Variants in LCP2 observed in about 807,000 individuals in gnomAD.
LCP2 encodes 76 kDa tyrosine phosphoprotein.
Under a neutral mutation model 74.5 loss-of-function variants are expected in LCP2, and 29 were observed. The observed-to-expected ratio is 0.39, with a 90% CI of 0.29 to 0.53. LCP2 has a LOEUF of 0.53. LCP2 is among the 20% of genes least tolerant of loss of function. The pLI, the probability that LCP2 is intolerant of heterozygous loss-of-function variation, is 0.72. For synonymous variants in LCP2, 228 were observed against 229.5 expected (o/e 0.99, Z 0.06); for missense variants, 604 against 634.6 (o/e 0.95, Z 0.52).
chr5:170,295,211 T>C (rs1762353018), intron 1 of LCP2, among the ~76,000 whole-genome samples: 1 of 152,154 alleles, frequency 6.6e-6, no homozygotes, highest in Non-Finnish European at 1.5e-5. Flanking sequence ...TGAACAAATA[T>C]GTAACATGGT....
At chr5:170,265,483 CTT>C (rs1373406359) in intron 10 of LCP2, among the ~76,000 whole-genome samples, 8 of 152,222 alleles carry the variant, frequency 5.3e-5, no homozygotes, top group African/African-American at 1.7e-4. Flanking sequence ...AAAAGAATAA[CTT>C]TTGTGTCAGG....
At chr5:170,282,912 T>A (rs1762128296) in intron 3 of LCP2, among the ~76,000 whole-genome samples, 1 of 152,214 alleles carries the variant, frequency 6.6e-6, no homozygotes, top group Admixed American at 6.5e-5. Flanking sequence ...GCACTTAAAA[T>A]TGGTGAGCTT....
In LCP2 at chr5:170,262,659, G is replaced by A; in HGVS notation, c.902C>T (p.Pro301Leu). 6.2e-7 allele frequency: 1 copy of A among 1,613,734 alleles called. No homozygotes were observed. Among genetic ancestry groups the A allele is most frequent in the Non-Finnish European group, 8.5e-7 (1 of 1,179,716 alleles). The change falls in exon 13 of 21, where the codon CCA becomes CTA. Residue 301 changes from proline (P) to leucine (L), a missense_variant. Physicochemically the swap from Pro to Leu is moderately conservative, Grantham distance 98. Coordinates refer to ENST00000046794, the MANE Select transcript of LCP2 (RefSeq NM_005565.5). ...CTTTGGCACAGGTGGCTTCTTCCCT[G>A]GCAGGGGGCTGCTCCTTTCATGTCT... ...TERHERSSPL[P>L]GKKPPVPKHG...
At chr5:170,267,197 G>T in intron 8 of LCP2, 122 bp from the exon 9 acceptor site, 1 of 991,124 alleles carries the variant, frequency 1.0e-6, no homozygotes. Flanking sequence ...AAACATCCAT[G>T]TCCATTTCTT....
chr5:170,263,384 T>C (rs1404900843), intron 10 of LCP2, among the ~76,000 whole-genome samples: 1 of 152,254 alleles, frequency 6.6e-6, no homozygotes, highest in Non-Finnish European at 1.5e-5. Context: ...TATTTTTATA[T>C]CTGAAATAAA....
intron 3 of LCP2, among the ~76,000 whole-genome samples, chr5:170,277,074 T>TAAAAAA (rs750930541): frequency 1.1e-5 from 1 of 91,142 alleles, no homozygotes; most frequent in Admixed American, 1.3e-4. Context: ...GACTCCATCT[T>TAAAAAA]AAAAAAAAAA....
rs186425959 is a variant in LCP2, at chr5:170,271,832, G to A, written c.325-915C>T. On this transcript the variant is annotated intron_variant, in intron 6 of 20. Transcript: ENST00000046794. The stretch of plus-strand genomic sequence containing the variant: ...CAATGGGAAGTGGCCACTTTTTGAG[G>A]AAAGAAATGTTCCAGTGTCCTAGAA... Among the ~76,000 whole-genome samples the A allele has an allele frequency of 2.0e-3, 299 of 152,274 alleles. 3 individuals carry two copies. The highest frequency in any genetic ancestry group is 2.7e-3 in the Non-Finnish European group (182 of 68,024).
intron 6 of LCP2, among the ~76,000 whole-genome samples, chr5:170,271,732 T>C (rs564065300): frequency 6.6e-6 from 1 of 152,054 alleles, no homozygotes; most frequent in African/African-American, 2.4e-5. Flanking sequence ...TGAGCGCTCA[T>C]CATGGTCATG....
chr5:170,281,201 G>A (rs887575053), intron 3 of LCP2, among the ~76,000 whole-genome samples: 2 of 152,138 alleles, frequency 1.3e-5, no homozygotes, highest in African/African-American at 4.8e-5. Context: ...TGGGTCCCTG[G>A]ACGGCAATTA....
chr5:170,296,909 G>A (rs1762398346), intron 1 of LCP2, among the ~76,000 whole-genome samples: 1 of 152,178 alleles, frequency 6.6e-6, no homozygotes, highest in Admixed American at 6.5e-5. Flanking sequence ...GACTGCCCCA[G>A]GCGGGAGCTT....
chr5:170,266,937 G>A, intron 9 of LCP2, 46 bp from the exon 10 acceptor site: 1 of 1,609,764 alleles, frequency 6.2e-7, no homozygotes. Flanking sequence ...GAAAGCAGTC[G>A]GCTGGGGGTT....
chr5:170,293,273 G>C (rs773750931), intron 2 of LCP2, 37 bp downstream of exon 2: 2 of 1,588,862 alleles, frequency 1.3e-6, no homozygotes, highest in South Asian at 1.1e-5. Flanking sequence ...GTGCCGAACA[G>C]TCTTGGTTTC....
intron 3 of LCP2, among the ~76,000 whole-genome samples, chr5:170,279,008 G>A (rs1340330046): frequency 2.0e-5 from 3 of 152,170 alleles, no homozygotes; most frequent in African/African-American, 7.2e-5. Context: ...CTATTGCTAG[G>A]TGCAAACCTT....
Position 170,275,794 on chromosome 5 carries a change from C to T in LCP2, c.254+1G>A. On this transcript the variant is annotated splice_donor_variant, in intron 4 of 20. Transcript: ENST00000046794. LOFTEE classifies it high-confidence loss of function. ...CGTTTCCTTACACCAGCCGCACTCA[C>T]TTGCGTGTGAAGATGCTCCTCCTCT... The T allele has an allele frequency of 6.3e-7, 1 of 1,577,728 alleles. No homozygotes were observed. Among genetic ancestry groups the T allele is most frequent in the Non-Finnish European group, 8.6e-7 (1 of 1,159,310 alleles).
At chr5:170,281,682 A>G (rs1386348796) in intron 3 of LCP2, among the ~76,000 whole-genome samples, 1 of 152,222 alleles carries the variant, frequency 6.6e-6, no homozygotes, top group Non-Finnish European at 1.5e-5. Context: ...GAGATGCCTC[A>G]GTACGTTGTT....
chr5:170,272,267 A>G (rs1171730839), intron 6 of LCP2, among the ~76,000 whole-genome samples: 1 of 152,132 alleles, frequency 6.6e-6, no homozygotes, highest in African/African-American at 2.4e-5. Context: ...TCTCCCAATC[A>G]TTTGGCTCCT....
intron 10 of LCP2, among the ~76,000 whole-genome samples, chr5:170,264,895 T>A (rs1044342120): frequency 1.3e-5 from 2 of 151,940 alleles, no homozygotes; most frequent in Admixed American, 6.6e-5. Context: ...AAGTTTGGTT[T>A]GGGGTGGAAC....
At chr5:170,253,098 A>T in intron 18 of LCP2, 21 bp downstream of exon 18, 3 of 1,541,444 alleles carry the variant, frequency 1.9e-6, no homozygotes, top group Non-Finnish European at 2.7e-6. Flanking sequence ...AACAAACAAA[A>T]ATAAAAACAT....
intron 8 of LCP2, chr5:170,267,288 A>T: frequency 3.3e-6 from 2 of 600,378 alleles, no homozygotes; most frequent in Non-Finnish European, 5.9e-6. Context: ...CAGGCAGCAG[A>T]GTGAGCATGT....
Sources: allele counts gnomAD v4.1 joint callset (sites outside exome capture counted in the v4.1 genomes callset), GRCh38; gene constraint gnomAD v4.1.1; transcripts MANE v1.5; gene names NCBI Gene and HGNC (gene_info 2026-07-23, HGNC 2026-07-21).